The following ZNF365 variants were observed in gnomAD, a reference collection of about 807,000 sequenced individuals.
The protein encoded by ZNF365 is protein ZNF365.
Under a neutral mutation model 35.0 loss-of-function variants are expected in ZNF365, and 22 were observed. The ratio of observed to expected loss-of-function variants is 0.63; its 90% CI spans 0.45 to 0.90. ZNF365 has a LOEUF of 0.90. Among genes scored for constraint, ZNF365 ranks in the 40% least tolerant of loss-of-function variants. The probability of loss-of-function intolerance (pLI) is 0.00; values close to 1 mark genes in which losing one functional copy is unlikely to be tolerated. For missense variants in ZNF365, 448 were observed against 500.3 expected, an observed-to-expected ratio of 0.90 and a Z score of 1.00; for synonymous variants, 188 against 196.2, an observed-to-expected ratio of 0.96 and a Z score of 0.35.
chr10:62,455,666 A>G (rs1840750781), intron 3 of ZNF365, among the ~76,000 whole-genome samples: 1 of 152,144 alleles, frequency 6.6e-6, no homozygotes, highest in Non-Finnish European at 1.5e-5. Flanking sequence ...AAATTAACTT[A>G]GAGAAGGATA....
intron 4 of ZNF365, among the ~76,000 whole-genome samples, chr10:62,471,433 A>G: frequency 6.6e-6 from 1 of 151,832 alleles, no homozygotes; most frequent in East Asian, 1.9e-4. Flanking sequence ...TCATTTACTT[A>G]ATTCTTATGA....
intron 3 of ZNF365, among the ~76,000 whole-genome samples, chr10:62,413,604 C>T (rs1326792121): frequency 6.6e-6 from 1 of 151,904 alleles, no homozygotes; most frequent in Non-Finnish European, 1.5e-5. Context: ...TTAGGGTGTA[C>T]CTAACACCTC....
intron 4 of ZNF365, among the ~76,000 whole-genome samples, chr10:62,468,645 C>T (rs1840983431): frequency 6.6e-6 from 1 of 152,078 alleles, no homozygotes; most frequent in African/African-American, 2.4e-5. Flanking sequence ...AAATGGATAA[C>T]TTATTTTAAG....
chr10:62,411,686 T>C (rs926886560), intron 3 of ZNF365, among the ~76,000 whole-genome samples: 2 of 152,140 alleles, frequency 1.3e-5, no homozygotes, highest in Non-Finnish European at 2.9e-5. Context: ...TGTAGCCATG[T>C]AGTACAGTTT....
At chr10:62,393,810 G>A (rs1030350406) in intron 3 of ZNF365, among the ~76,000 whole-genome samples, 6 of 152,176 alleles carry the variant, frequency 3.9e-5, no homozygotes, top group African/African-American at 1.2e-4. Context: ...GAAATTTACA[G>A]ACGAGAGCTG....
At chr10:62,444,321 A>G (rs1462453012) in intron 3 of ZNF365, among the ~76,000 whole-genome samples, 1 of 152,158 alleles carries the variant, frequency 6.6e-6, no homozygotes, top group Non-Finnish European at 1.5e-5. Flanking sequence ...GGTAGGAGAC[A>G]GGAGAGTGGG....
At chr10:62,426,023 A>G (rs991291014) in intron 3 of ZNF365, among the ~76,000 whole-genome samples, 2 of 152,190 alleles carry the variant, frequency 1.3e-5, no homozygotes, top group Non-Finnish European at 2.9e-5. Flanking sequence ...CTTGTCAATA[A>G]TCAGTCAAAA....
chr10:62,421,033 G>A (rs533492790), intron 3 of ZNF365, among the ~76,000 whole-genome samples: 19 of 151,626 alleles, frequency 1.3e-4, no homozygotes, highest in African/African-American at 4.4e-4. Context: ...GAAGAAGTCT[G>A]GAAAACAGAC....
At position 62,478,782 on chromosome 10, in the gene ZNF365, G is replaced by C. The variant is rs1467509224; in HGVS notation, c.982-1094G>C. ...GTAGAGACGGGGTTTCACCATGTTA[G>C]CCAGGATGGTCTCGATCTCCTGACC... On this transcript the variant is annotated intron_variant, in intron 4 of 4. Coordinates refer to the ZNF365 transcript ENST00000395255. Among the ~76,000 whole-genome samples the C allele has an allele frequency of 3.3e-5, 5 of 152,240 alleles. No individual in the cohort carries two copies. The East Asian group carries it at 9.7e-4, about 29-fold the overall frequency.
intron 3 of ZNF365, among the ~76,000 whole-genome samples, chr10:62,413,355 G>A (rs1840019236): frequency 6.6e-6 from 1 of 152,108 alleles, no homozygotes; most frequent in African/African-American, 2.4e-5. Flanking sequence ...GAATCTTTTA[G>A]AGGAGAAAAA....
At chr10:62,423,039 C>G (rs1301934611) in intron 3 of ZNF365, among the ~76,000 whole-genome samples, 1 of 152,124 alleles carries the variant, frequency 6.6e-6, no homozygotes, top group African/African-American at 2.4e-5. Flanking sequence ...TTGGCACCAG[C>G]TAGGGGGAGA....
At chr10:62,434,708 A>T (rs1036422676) in intron 3 of ZNF365, among the ~76,000 whole-genome samples, 1 of 152,200 alleles carries the variant, frequency 6.6e-6, no homozygotes, top group African/African-American at 2.4e-5. Context: ...AGTATACTGG[A>T]AATCAGAACA....
chr10:62,428,914 C>A (rs540684529), intron 3 of ZNF365, among the ~76,000 whole-genome samples: 1 of 152,248 alleles, frequency 6.6e-6, no homozygotes, highest in African/African-American at 2.4e-5. Context: ...GCATTTACTG[C>A]TTTTCTTGGG....
intron 3 of ZNF365, among the ~76,000 whole-genome samples, chr10:62,396,782 A>G (rs1018182915): frequency 3.9e-5 from 6 of 152,264 alleles, no homozygotes; most frequent in Non-Finnish European, 7.3e-5. Flanking sequence ...TCAATTTTGC[A>G]TAAAATTCCA....
At chr10:62,455,738 A>G (rs964723898) in intron 3 of ZNF365, among the ~76,000 whole-genome samples, 4 of 152,152 alleles carry the variant, frequency 2.6e-5, no homozygotes, top group African/African-American at 7.2e-5. Flanking sequence ...AAGAACTTAC[A>G]TATATTTGGT....
At position 62,376,606 on chromosome 10, in the gene ZNF365, C is replaced by T. The variant is rs778484504; in HGVS notation, c.413C>T (p.Ser138Leu). The T allele has an allele frequency of 1.1e-5, 18 of 1,614,038 alleles. No individual in the cohort carries two copies. Among genetic ancestry groups the T allele is most frequent in the African/African-American group, 6.7e-5 (5 of 74,936 alleles). The change falls in exon 2 of 5, where the codon TCG becomes TTG. Residue 138 changes from serine to leucine, a missense_variant. Ser to Leu is a moderately radical substitution (Grantham distance 145, BLOSUM62 -2). Transcript: ENST00000395254. ...ACTGCCATGGACCTCCATGCAGACT[C>T]GCTGGATGGGACACGGTCGGGTCCT... The part of the protein sequence containing the change: ...TYTAMDLHAD[S>L]LDGTRSGPGL...
Position 62,376,884 on chromosome 10 carries a change from G to A in ZNF365, c.691G>A (p.Val231Ile). ...QVDVAVEMIAVLRQRLTESEE... is the reference protein window; with the variant it reads ...QVDVAVEMIAILRQRLTESEE... ...GGACGTGGCCGTGGAAATGATAGCT[G>A]TACTGAGGCAACGCCTGACGGAATC... is the stretch of plus-strand genomic sequence containing the variant. Residue 231 changes from valine (V) to isoleucine (I), a missense_variant, in exon 2 of 5, where the codon GTA becomes ATA. Around this residue, in one of 3 missense-constraint regions of ZNF365, gnomAD observed 362 missense variants for 375.7 expected, o/e 0.96. Coordinates refer to ENST00000395254, the MANE Select transcript of ZNF365 (RefSeq NM_014951.3). The A allele has an allele frequency of 3.1e-6, 5 of 1,614,128 alleles. No individual in the cohort carries two copies. The highest frequency in any genetic ancestry group is 1.7e-5 in the Admixed American group (1 of 60,018).
intron 3 of ZNF365, among the ~76,000 whole-genome samples, chr10:62,433,150 G>T (rs1252428750): frequency 6.6e-6 from 1 of 152,018 alleles, no homozygotes; most frequent in Non-Finnish European, 1.5e-5. Flanking sequence ...GGATTTGTTT[G>T]AACAGGAATA....
intron 3 of ZNF365, among the ~76,000 whole-genome samples, chr10:62,392,883 C>T (rs369468889): frequency 6.6e-6 from 1 of 152,210 alleles, no homozygotes; most frequent in African/African-American, 2.4e-5. Context: ...CCGCCCGCCT[C>T]GGCCTCCCAA....
Sources: gnomAD v4.1 joint callset for allele counts (sites outside exome capture counted in the v4.1 genomes callset) on GRCh38, gnomAD v4.1.1 for gene constraint, gnomAD v4.1.1 regional missense constraint, MANE v1.5 for transcripts, NCBI Gene and HGNC (gene_info 2026-07-23, HGNC 2026-07-21) for gene names.